Variants in COL6A5 observed in about 807,000 individuals in gnomAD.
The protein encoded by COL6A5 is collagen type VI alpha 5 chain.
A neutral mutation model predicts 65.6 loss-of-function variants in COL6A5; 48 were observed. The observed-to-expected ratio is 0.73, with a 90% CI of 0.58 to 0.93. The LOEUF (loss-of-function observed/expected upper bound fraction) is 0.93, where lower values mean the gene tolerates loss of function less well. Ranked by LOEUF, COL6A5 falls within the 40% of genes least tolerant of loss-of-function variation. COL6A5 has a pLI of 0.00. For synonymous variants in COL6A5, 291 were observed against 322.8 expected (o/e 0.90, Z 1.05); for missense variants, 914 against 928.3 (o/e 0.98, Z 0.20).
At chr3:130,450,978 A>G (rs962653854) in intron 4 of COL6A5, among the ~76,000 whole-genome samples, 2 of 152,130 alleles carry the variant, frequency 1.3e-5, no homozygotes, top group Non-Finnish European at 2.9e-5. Context: ...TGAAATTGTA[A>G]ACGCTGAGAT....
chr3:130,480,144 T>C (rs796191853), intron 7 of COL6A5, among the ~76,000 whole-genome samples: 2 of 152,202 alleles, frequency 1.3e-5, no homozygotes, highest in African/African-American at 4.8e-5. Context: ...TGATATTAAA[T>C]CTTGCCTTAC....
At chr3:130,461,763 CTT>C (rs112604546) in intron 5 of COL6A5, among the ~76,000 whole-genome samples, 93 of 147,824 alleles carry the variant, frequency 6.3e-4, no homozygotes, top group Admixed American at 1.5e-3. Context: ...TTTAAATTAA[CTT>C]TTTTTTTTTT....
At chr3:130,366,908 C>T (rs1935360855) in intron 1 of COL6A5, among the ~76,000 whole-genome samples, 1 of 152,104 alleles carries the variant, frequency 6.6e-6, no homozygotes, top group Non-Finnish European at 1.5e-5. Flanking sequence ...ACAAAATAAC[C>T]CCCATAGTTG....
rs143217852 is a variant in COL6A5, at chr3:130,472,116, A to C, written c.2328+1149A>C. Among the ~76,000 whole-genome samples, 186 of 152,144 alleles carry C rather than the reference A, an allele frequency of 1.2e-3. 1 individual carries two copies. The highest frequency in any genetic ancestry group is 4.3e-3 in the African/African-American group (179 of 41,540). On this transcript the variant is annotated intron_variant, in intron 7 of 7. Coordinates refer to ENST00000512836, the Ensembl canonical transcript of COL6A5. Reference sequence around the variant, plus strand: ...AAGGCAAAAAATAGTCTTTGTTGACATATTCGAATTACAAGCAGGTATAAA... The same window carrying C: ...AAGGCAAAAAATAGTCTTTGTTGACCTATTCGAATTACAAGCAGGTATAAA...
chr3:130,469,522 T>G (rs766149181), intron 6 of COL6A5, 41 bp downstream of exon 38: 1 of 1,497,470 alleles, frequency 6.7e-7, no homozygotes, highest in Admixed American at 1.8e-5. Flanking sequence ...GCAATAGATT[T>G]AATGTTTCTG....
At chr3:130,375,797 T>A (rs1204904631) in intron 2 of COL6A5, among the ~76,000 whole-genome samples, 1 of 152,032 alleles carries the variant, frequency 6.6e-6, no homozygotes, top group Non-Finnish European at 1.5e-5. Context: ...CCATGAGAAC[T>A]CATGAGACTC....
chr3:130,401,195 C>T (rs943554021), intron 11 of COL6A5, 22 bp downstream of exon 11: 3 of 1,518,090 alleles, frequency 2.0e-6, no homozygotes, highest in African/African-American at 1.4e-5. Context: ...AACAAAATCC[C>T]CGGTTGTTCA....
intron 1 of COL6A5, among the ~76,000 whole-genome samples, chr3:130,368,474 A>G (rs1157830388): frequency 1.3e-5 from 2 of 152,154 alleles, no homozygotes; most frequent in Non-Finnish European, 2.9e-5. Flanking sequence ...CAAGGAACGA[A>G]GAGTCCAGTC....
At chr3:130,389,064 T>C in exon 6 of COL6A5, 1 of 1,488,314 alleles carries the variant, frequency 6.7e-7, no homozygotes, top group Non-Finnish European at 8.9e-7. Context: ...GCCTAGTTTT[T>C]CATGTTGAGA....
chr3:130,406,270 C>A, exon 17 of COL6A5: 2 of 1,550,470 alleles, frequency 1.3e-6, no homozygotes, highest in Non-Finnish European at 8.7e-7. Context: ...TCTTTTAGGG[C>A]TGTCATGGAT....
exon 4 of COL6A5, chr3:130,379,965 C>T (rs1046246447): frequency 1.9e-6 from 3 of 1,551,028 alleles, no homozygotes; most frequent in Non-Finnish European, 2.6e-6. Flanking sequence ...TAGAAACTTA[C>T]AGTACAAAGT....
rs756812059 is a variant in COL6A5 at position 130,439,661 on chromosome 3, C to T, written c.581+46C>T. The T allele has an allele frequency of 6.4e-6, 8 of 1,257,794 alleles. No homozygotes were observed. The African/African-American group carries it at 1.2e-4, about 19-fold the overall frequency. 77.9% of individuals were successfully genotyped at this position (1,257,794 alleles called of 1,614,324 possible). A position where few individuals can be genotyped will look rare whatever the true frequency, so the allele number is the denominator to read the frequency against. On this transcript the variant is annotated intron_variant, in intron 2 of 7. Transcript: ENST00000512836. ...TGACTGTGCTGAAGAGCTTAAATGC[C>T]TTCTAGATGAGTTATTGAATGTGGT...
At chr3:130,443,408 G>C in intron 3 of COL6A5, 68 bp from the exon 36 acceptor site, 1 of 1,185,282 alleles carries the variant, frequency 8.4e-7, no homozygotes. Context: ...TTCCTGTTGG[G>C]ATTCTCTTTA....
intron 6 of COL6A5, among the ~76,000 whole-genome samples, chr3:130,470,392 C>G (rs948229200): frequency 6.6e-6 from 1 of 152,036 alleles, no homozygotes; most frequent in Admixed American, 6.6e-5. Context: ...AGGGCTTACA[C>G]AGTTCGCAGG....
intron 4 of COL6A5, among the ~76,000 whole-genome samples, chr3:130,450,159 C>A (rs1017862085): frequency 1.3e-5 from 2 of 151,946 alleles, no homozygotes; most frequent in African/African-American, 4.8e-5. Flanking sequence ...TGCGTTGGGA[C>A]CGCCTGAAGT....
chr3:130,478,569 C>A (rs819094), intron 7 of COL6A5, among the ~76,000 whole-genome samples: 96,079 of 151,816 alleles, frequency 0.63, 33,344 homozygotes, highest in Non-Finnish European at 0.79. Context: ...TTTCTGCATC[C>A]CCTTTTAAAA....
chr3:130,432,301 T>C (rs1049845147), intron 1 of COL6A5, among the ~76,000 whole-genome samples: 2 of 152,078 alleles, frequency 1.3e-5, no homozygotes, highest in African/African-American at 4.8e-5. Flanking sequence ...ATGCCTGTAA[T>C]CCCAGAACTT....
At chr3:130,483,671 C>T (rs1497321) in intron 7 of COL6A5, among the ~76,000 whole-genome samples, 4 of 152,080 alleles carry the variant, frequency 2.6e-5, no homozygotes, top group Admixed American at 2.0e-4. Context: ...GAATATTGTC[C>T]TAGAAATTAA....
chr3:130,468,881 G>A, exon 6 of COL6A5: 1 of 1,611,890 alleles, frequency 6.2e-7, no homozygotes. Flanking sequence ...CATGGATGTG[G>A]CTTTCCTCAT....
Sources: allele counts gnomAD v4.1 joint callset (sites outside exome capture counted in the v4.1 genomes callset), GRCh38; gene constraint gnomAD v4.1.1; transcripts MANE v1.5; gene names NCBI Gene and HGNC (gene_info 2026-07-23, HGNC 2026-07-21).